The following MYO1D variants were observed in gnomAD, a reference collection of about 807,000 sequenced individuals.
The protein encoded by MYO1D is myosin ID, also known as unconventional myosin-Id.
Under a neutral mutation model 122.0 loss-of-function variants are expected in MYO1D, and 83 were observed. That is an observed-to-expected ratio of 0.68 (90% CI 0.57 to 0.82). The LOEUF is 0.82. MYO1D is among the 40% of genes least tolerant of loss of function. The probability of loss-of-function intolerance (pLI) is 0.00; values close to 1 mark genes in which losing one functional copy is unlikely to be tolerated. For synonymous variants in MYO1D, 464 were observed against 446.9 expected (o/e 1.04, Z -0.48); for missense variants, 1,157 against 1,269.5 (o/e 0.91, Z 1.35).
At chr17:32,840,930 T>C (rs947908446) in intron 1 of MYO1D, among the ~76,000 whole-genome samples, 1 of 152,172 alleles carries the variant, frequency 6.6e-6, no homozygotes, top group African/African-American at 2.4e-5. Flanking sequence ...ATACTTCAAG[T>C]ACCCATAAAA....
intron 21 of MYO1D, among the ~76,000 whole-genome samples, chr17:32,546,895 AC>A (rs2150881735): frequency 6.7e-6 from 1 of 148,454 alleles, no homozygotes; most frequent in East Asian, 2.0e-4. Context: ...TGGCCAAGTC[AC>A]AAAAATAAGA....
At chr17:32,861,278 G>T (rs143799476) in intron 1 of MYO1D, among the ~76,000 whole-genome samples, 1 of 152,060 alleles carries the variant, frequency 6.6e-6, no homozygotes, top group Non-Finnish European at 1.5e-5. Context: ...ATGTTAGCCA[G>T]GATGGTCTCA....
rs117166245 is a variant in MYO1D, at chr17:32,575,637, C to A, written c.2864+29450G>T. ...AGCGAATCCCATGGACTTCACCCCC[C>A]ATTCCCTCTGGGGTGTGTTTCTCCT... On this transcript the variant is annotated intron_variant, in intron 21 of 21. Transcript: ENST00000318217. Among the ~76,000 whole-genome samples, 647 of 152,320 alleles carry A rather than the reference C, an allele frequency of 4.2e-3. 1 individual carries two copies. Among genetic ancestry groups the A allele is most frequent in the Non-Finnish European group, 7.4e-3 (501 of 68,042 alleles).
chr17:32,496,811 C>A, intron 21 of MYO1D: 1 of 152,576 alleles, frequency 6.6e-6, no homozygotes, highest in Non-Finnish European at 1.5e-5. Flanking sequence ...TGCCCTCGCC[C>A]TTCCCTGGGG....
chr17:32,758,782 G>C (rs563727403), intron 10 of MYO1D, among the ~76,000 whole-genome samples: 1 of 152,238 alleles, frequency 6.6e-6, no homozygotes, highest in African/African-American at 2.4e-5. Flanking sequence ...TTCTAATTGT[G>C]GGGGGATCTG....
intron 14 of MYO1D, among the ~76,000 whole-genome samples, chr17:32,728,998 T>C (rs2089607259): frequency 6.6e-6 from 1 of 152,212 alleles, no homozygotes; most frequent in South Asian, 2.1e-4. Context: ...TTAATCAGCA[T>C]TCTGTCTCAA....
chr17:32,704,512 A>G (rs1220976523), intron 16 of MYO1D, among the ~76,000 whole-genome samples: 3 of 152,142 alleles, frequency 2.0e-5, no homozygotes, highest in Non-Finnish European at 2.9e-5. Flanking sequence ...GGGTATAGAA[A>G]ACCTTAACAG....
chr17:32,612,348 C>T (rs1284582824), intron 20 of MYO1D, among the ~76,000 whole-genome samples: 1 of 152,052 alleles, frequency 6.6e-6, no homozygotes, highest in Non-Finnish European at 1.5e-5. Flanking sequence ...AAATATTTAA[C>T]ATTAGGAATG....
At chr17:32,512,690 GC>G (rs1055704756) in intron 21 of MYO1D, among the ~76,000 whole-genome samples, 7 of 152,256 alleles carry the variant, frequency 4.6e-5, no homozygotes, top group Non-Finnish European at 5.9e-5. Flanking sequence ...TGAACAGGGT[GC>G]CAAGGGAGAC....
chr17:32,651,339 A>T (rs1289552512), intron 19 of MYO1D, among the ~76,000 whole-genome samples: 1 of 152,206 alleles, frequency 6.6e-6, no homozygotes, highest in Non-Finnish European at 1.5e-5. Context: ...TCAGACGAAC[A>T]GTCAAAGTGA....
chr17:32,679,731 T>G (rs1159414466), intron 16 of MYO1D, among the ~76,000 whole-genome samples: 1 of 152,168 alleles, frequency 6.6e-6, no homozygotes, highest in Non-Finnish European at 1.5e-5. Context: ...TAGGATTGAC[T>G]TGGCAGTGCG....
intron 21 of MYO1D, among the ~76,000 whole-genome samples, chr17:32,504,222 G>A (rs529711291): frequency 6.6e-4 from 101 of 152,070 alleles, no homozygotes; most frequent in Admixed American, 1.7e-3. Flanking sequence ...TCCCAGGCCC[G>A]GGGGCGTGAT....
intron 8 of MYO1D, among the ~76,000 whole-genome samples, chr17:32,762,742 C>T (rs1184150065): frequency 7.2e-5 from 11 of 151,746 alleles, no homozygotes; most frequent in South Asian, 2.1e-4. Context: ...GGCATGGTGG[C>T]GGGTGCCTGT....
In MYO1D at chr17:32,712,114, C is replaced by A; in HGVS notation, c.1995G>T (p.Arg665=). 1 of 1,614,100 alleles carries A rather than the reference C, an allele frequency of 6.2e-7. No homozygotes were observed. The highest frequency in any genetic ancestry group is 8.5e-7 in the Non-Finnish European group (1 of 1,179,998). ...DKEAVKKLIE[R]CGFQDDVAYG... Reference sequence around the variant, plus strand: ...AAGCTACATCATCCTGAAAACCACACCGTTCAATTAGTTTCTTGACAGCCT... The same window carrying A: ...AAGCTACATCATCCTGAAAACCACAACGTTCAATTAGTTTCTTGACAGCCT... Residue 665 remains arginine, a synonymous_variant, in exon 16 of 22, where the codon CGG becomes CGT. Coordinates refer to ENST00000318217, the MANE Select transcript of MYO1D (RefSeq NM_015194.3).
chr17:32,667,304 A>G (rs769811259), intron 16 of MYO1D, among the ~76,000 whole-genome samples: 10 of 152,234 alleles, frequency 6.6e-5, no homozygotes, highest in Admixed American at 1.3e-4. Context: ...TTCCTCTTCC[A>G]TTTCTATAAG....
chr17:32,625,474 T>C (rs973349381), intron 20 of MYO1D, among the ~76,000 whole-genome samples: 9 of 152,318 alleles, frequency 5.9e-5, no homozygotes, highest in African/African-American at 2.2e-4. Context: ...TGAGATATAG[T>C]CTGGTTAAAT....
rs144777050 is a variant in MYO1D, at chr17:32,503,806, A to G, written c.2865-8891T>C. Among the ~76,000 whole-genome samples the G allele has an allele frequency of 1.9e-3, 291 of 152,304 alleles. 2 individuals are homozygous for G. Among genetic ancestry groups the G allele is most frequent in the African/African-American group, 6.7e-3 (278 of 41,556 alleles). The stretch of plus-strand genomic sequence containing the variant: ...CTGACTGGAGCATCAGGAGCTCATG[A>G]CTGCAGCTGTTTACTCTGTGTTTCA... On this transcript the variant is annotated intron_variant, in intron 21 of 21. Coordinates refer to ENST00000318217, the MANE Select transcript of MYO1D (RefSeq NM_015194.3).
chr17:32,494,737 CG>C lies in MYO1D; in HGVS notation c.*21del. 2 of 1,572,034 alleles carry C rather than the reference CG, an allele frequency of 1.3e-6. No homozygotes were observed. Among genetic ancestry groups the C allele is most frequent in the Admixed American group, 1.8e-5 (1 of 55,032 alleles). ...CAGGACTCGGAGTGTGGCCGGGCTC[CG>C]GGCCAGGCCTCCGCGGGGCGTCAGT... is the stretch of plus-strand genomic sequence containing the variant. On this transcript the variant is annotated 3_prime_UTR_variant, in exon 22 of 22. Coordinates refer to ENST00000318217, the MANE Select transcript of MYO1D (RefSeq NM_015194.3).
intron 16 of MYO1D, among the ~76,000 whole-genome samples, chr17:32,659,681 G>A (rs987943135): frequency 5.3e-5 from 8 of 152,216 alleles, no homozygotes; most frequent in African/African-American, 1.7e-4. Flanking sequence ...GAAGGGAAGC[G>A]AGATGAGTCA....
Sources: gnomAD v4.1 joint callset for allele counts (sites outside exome capture counted in the v4.1 genomes callset) on GRCh38, gnomAD v4.1.1 for gene constraint, MANE v1.5 for transcripts, NCBI Gene and HGNC (gene_info 2026-07-23, HGNC 2026-07-21) for gene names.